The following HS6ST2 variants were observed in gnomAD, a reference collection of about 807,000 sequenced individuals.
HS6ST2 encodes the protein heparan-sulfate 6-O-sulfotransferase 2.
Under a neutral mutation model 33.0 loss-of-function variants are expected in HS6ST2, and 17 were observed. That is an observed-to-expected ratio of 0.52 (90% CI 0.35 to 0.77). The LOEUF is 0.77. HS6ST2 is among the 30% of genes least tolerant of loss of function. The pLI, the probability that HS6ST2 is intolerant of heterozygous loss-of-function variation, is 0.01. For missense variants in HS6ST2, 519 were observed against 551.7 expected (o/e 0.94, Z 0.59); for synonymous variants, 248 against 237.1 (o/e 1.05, Z -0.42).
chrX:132,847,977 A>C (rs1386500748), intron 2 of HS6ST2, among the ~76,000 whole-genome samples: 1 of 112,540 alleles, frequency 8.9e-6, no homozygotes, highest in East Asian at 2.8e-4. Context: ...CTTTGAGAAC[A>C]TCATGCATAG....
At chrX:132,960,090 A>G (rs991633301), upstream of HS6ST2, among the ~76,000 whole-genome samples, 1 of 112,208 alleles carries the variant, frequency 8.9e-6, no homozygotes, top group African/African-American at 3.2e-5. Context: ...CTGAGGTTCC[A>G]GGAACACTCT....
intron 2 of HS6ST2, among the ~76,000 whole-genome samples, chrX:132,796,813 A>G (rs2148349113): frequency 8.9e-6 from 1 of 112,455 alleles, no homozygotes; most frequent in Non-Finnish European, 1.9e-5. Flanking sequence ...AAGGGACAAG[A>G]CATGCAACGA....
At chrX:132,839,126 C>A (rs896046944) in intron 2 of HS6ST2, among the ~76,000 whole-genome samples, 13 of 105,209 alleles carry the variant, frequency 1.2e-4, no homozygotes, top group Non-Finnish European at 2.5e-4. Flanking sequence ...AATCCTACTA[C>A]TGTGATTTAC....
chrX:132,870,149 A>T (rs1055562587), intron 2 of HS6ST2, among the ~76,000 whole-genome samples: 1 of 111,308 alleles, frequency 9.0e-6, no homozygotes, highest in Non-Finnish European at 1.9e-5. Context: ...CCAAATCATG[A>T]GTGAACTCCC....
chrX:132,925,597 T>G (rs1051909059), intron 2 of HS6ST2, among the ~76,000 whole-genome samples: 5 of 111,763 alleles, frequency 4.5e-5, no homozygotes, highest in African/African-American at 1.3e-4. Flanking sequence ...TCACACATTT[T>G]GATGACCAGA....
chrX:132,894,163 C>T (rs930563970), intron 2 of HS6ST2, among the ~76,000 whole-genome samples: 3 of 102,980 alleles, frequency 2.9e-5, no homozygotes, highest in South Asian at 4.6e-4. Context: ...GGGAGAGAGA[C>T]GAAGTTTTGT....
chrX:132,852,011 G>A (rs926494927), intron 2 of HS6ST2, among the ~76,000 whole-genome samples: 1 of 111,159 alleles, frequency 9.0e-6, no homozygotes, highest in African/African-American at 3.3e-5. Context: ...GTGTGGTGAT[G>A]CACGCCTGTA....
intron 2 of HS6ST2, among the ~76,000 whole-genome samples, chrX:132,753,477 T>G (rs1228405028): frequency 9.0e-6 from 1 of 111,018 alleles, no homozygotes; most frequent in Non-Finnish European, 1.9e-5. Context: ...TGGTAGTGAA[T>G]AAGTCTCATG....
Position 132,958,514 on chromosome X carries a change from C to A in HS6ST2, c.89G>T (p.Arg30Leu), listed in dbSNP as rs769385715. ...CAATTCGGCCTCTACTCTGGAATGC[C>A]GGCGGGGACAGGTGGTGCGGACGGG... Reference protein sequence around the residue: ...GAPVRTTCPRRHSRVEAELAA... With the variant: ...GAPVRTTCPRLHSRVEAELAA... The change falls in exon 1 of 5, where the codon CGG becomes CTG. Residue 30 changes from arginine (R) to leucine (L), a missense_variant. Physicochemically the swap from Arg to Leu is moderately radical, Grantham distance 102 (BLOSUM62 -2). Coordinates refer to ENST00000370833, the MANE Select transcript of HS6ST2 (RefSeq NM_001394073.1). 2.3e-4 allele frequency: 272 copies of A among 1,187,783 alleles called. No homozygotes were observed. Among genetic ancestry groups the A allele is most frequent in the Non-Finnish European group, 1.9e-4 (172 of 884,432 alleles).
At chrX:132,819,054 A>T (rs747067534) in intron 2 of HS6ST2, among the ~76,000 whole-genome samples, 21 of 111,025 alleles carry the variant, frequency 1.9e-4, no homozygotes, top group African/African-American at 6.9e-4. Flanking sequence ...TTTTTTCTAA[A>T]CTCAACTCTA....
At chrX:132,944,646 C>T (rs1281015356) in intron 2 of HS6ST2, among the ~76,000 whole-genome samples, 1 of 111,188 alleles carries the variant, frequency 9.0e-6, no homozygotes, top group Non-Finnish European at 1.9e-5. Flanking sequence ...GTACTGCTGC[C>T]AAAACAGAGA....
At chrX:132,918,425 C>T (rs1468131637) in intron 2 of HS6ST2, among the ~76,000 whole-genome samples, 2 of 112,297 alleles carry the variant, frequency 1.8e-5, no homozygotes, top group South Asian at 3.7e-4. Context: ...CCTTGAGAGG[C>T]AGTTTTGCCA....
intron 2 of HS6ST2, among the ~76,000 whole-genome samples, chrX:132,794,467 C>A (rs748046404): frequency 9.1e-6 from 1 of 110,390 alleles, no homozygotes; most frequent in East Asian, 2.8e-4. Flanking sequence ...GATCATGGCT[C>A]ACTGCAGCCC....
intron 3 of HS6ST2, among the ~76,000 whole-genome samples, chrX:132,704,490 G>T (rs1443792412): frequency 9.0e-6 from 1 of 110,936 alleles, no homozygotes; most frequent in African/African-American, 3.3e-5. Flanking sequence ...GGAGGCGGAG[G>T]TTGCAGTGAA....
rs191671404 is a variant in HS6ST2 at position 132,819,614 on chromosome X, T to C, written c.948-111120A>G. ...AAATAAATGGTAAAGAAAGACAAGGTTCCAAAACAGCATTCTCTTTTGGAA... is the reference window on the plus strand; with the variant it reads ...AAATAAATGGTAAAGAAAGACAAGGCTCCAAAACAGCATTCTCTTTTGGAA... On this transcript the variant is annotated intron_variant, in intron 2 of 4. Coordinates refer to ENST00000370833, the MANE Select transcript of HS6ST2 (RefSeq NM_001394073.1). Among the ~76,000 whole-genome samples the C allele has an allele frequency of 3.6e-5, 4 of 111,433 alleles. No individual in the cohort carries two copies. In the East Asian group the frequency reaches 8.5e-4, roughly 24 times the overall value.
chrX:132,648,169 T>A (rs753117866), intron 4 of HS6ST2, among the ~76,000 whole-genome samples: 2 of 111,827 alleles, frequency 1.8e-5, no homozygotes, highest in Non-Finnish European at 1.9e-5. Context: ...GATTCATGAG[T>A]CAGACTTACA....
At chrX:132,959,460 C>T (rs767321010), upstream of HS6ST2, among the ~76,000 whole-genome samples, 2 of 111,916 alleles carry the variant, frequency 1.8e-5, no homozygotes, top group South Asian at 7.6e-4. Context: ...GAAGGGGCAC[C>T]GGTTGGCAGC....
intron 2 of HS6ST2, among the ~76,000 whole-genome samples, chrX:132,768,471 C>T (rs960248994): frequency 1.1e-4 from 12 of 110,957 alleles, no homozygotes; most frequent in Admixed American, 1.9e-4. Flanking sequence ...ATGTAAAGAA[C>T]GTGTACATCA....
At chrX:132,811,685 A>AATATATATATATATAT (rs56390608) in intron 2 of HS6ST2, among the ~76,000 whole-genome samples, 11 of 29,806 alleles carry the variant, frequency 3.7e-4, no homozygotes, top group African/African-American at 4.6e-4. Context: ...AAGGCTGAAT[A>AATATATATATATATAT]ATATATATAT....
Sources: allele counts gnomAD v4.1 joint callset (sites outside exome capture counted in the v4.1 genomes callset), GRCh38; gene constraint gnomAD v4.1.1; transcripts MANE v1.5; gene names NCBI Gene and HGNC (gene_info 2026-07-23, HGNC 2026-07-21).